Variants in NF1 observed in about 807,000 individuals in gnomAD.
NF1 encodes neurofibromin.
In NF1, 122 loss-of-function variants were observed where a neutral mutation model predicts 325.7. That is an observed-to-expected ratio of 0.37 (90% confidence interval 0.32 to 0.44). The LOEUF (loss-of-function observed/expected upper bound fraction) is 0.44. Ranked by LOEUF, NF1 falls within the 20% of genes least tolerant of loss-of-function variation. NF1 has a pLI of 1.00. For missense variants in NF1, 2,140 were observed against 3,415.4 expected, an observed-to-expected ratio of 0.63 and a Z score of 9.31; for synonymous variants, 1,091 against 1,186.0, an observed-to-expected ratio of 0.92 and a Z score of 1.65.
intron 10 of NF1, 73 bp from the exon 11 acceptor site, chr17:31,201,337 CT>C: frequency 1.4e-6 from 2 of 1,472,122 alleles, no homozygotes; most frequent in South Asian, 1.2e-5. Context: ...ATTTGCTGTT[CT>C]TTTTGGCTTC....
intron 57 of NF1, among the ~76,000 whole-genome samples, chr17:31,372,300 T>C (rs2070657621): frequency 6.6e-6 from 1 of 152,194 alleles, no homozygotes; most frequent in South Asian, 2.1e-4. Flanking sequence ...ACTCCAAAAA[T>C]TGTGGTCATC....
rs1393070691 is a variant in NF1 at position 31,182,571 on chromosome 17, C to G, written c.794C>G (p.Ala265Gly). Residue 265 changes from alanine (A) to glycine (G), a missense_variant, in exon 8 of 58, where the codon GCA becomes GGA. Ala to Gly is a moderately conservative substitution (Grantham distance 60). This residue lies in a region of NF1 where 246 missense variants were observed against 347.8 expected (regional missense o/e 0.71). Coordinates refer to ENST00000358273, the MANE Select transcript of NF1 (RefSeq NM_001042492.3). ...GFAESTKRKA[A>G]VWPLQIILLI... ...GCTGAAAGCACCAAACGTAAAGCAG[C>G]AGTTTGGCCACTACAAATCATTCTC... The G allele has an allele frequency of 6.2e-7, 1 of 1,613,966 alleles. No individual in the cohort carries two copies. The highest frequency in any genetic ancestry group is 8.5e-7 in the Non-Finnish European group (1 of 1,179,896).
chr17:31,139,445 C>T (rs1197415810), intron 1 of NF1, among the ~76,000 whole-genome samples: 2 of 151,404 alleles, frequency 1.3e-5, no homozygotes, highest in African/African-American at 4.9e-5. Flanking sequence ...GTCAGTTGAT[C>T]GTGGTAATCA....
intron 38 of NF1, among the ~76,000 whole-genome samples, chr17:31,329,925 G>A (rs2069438157): frequency 6.6e-6 from 1 of 152,100 alleles, no homozygotes; most frequent in African/African-American, 2.4e-5. Context: ...TTTTGGCTTT[G>A]CTAAAAATGT....
chr17:31,338,739 C>A lies in NF1; in HGVS notation c.6855C>A (p.Tyr2285Ter), dbSNP rs772295894. Residue 2285 changes from tyrosine to a stop codon, truncating the protein, a stop_gained, in exon 46 of 58, where the codon TAC becomes TAA. Coordinates refer to ENST00000358273, the MANE Select transcript of NF1 (RefSeq NM_001042492.3). LOFTEE classifies it high-confidence loss of function. ...GTTGCTTAAAAGGACCTGACACTTA[C>A]AACAGTCAAGTTCTGATAGAAGCTA... is the stretch of plus-strand genomic sequence containing the variant. ...LESCLKGPDTYNSQVLIEATV... is the reference protein window; with the variant it reads ...LESCLKGPDT 2 of 1,613,200 alleles carry A rather than the reference C, an allele frequency of 1.2e-6. No individual in the cohort carries two copies. The highest frequency in any genetic ancestry group is 1.7e-6 in the Non-Finnish European group (2 of 1,179,490).
chr17:31,360,807 A>G, intron 57 of NF1, 104 bp downstream of exon 57: 1 of 966,516 alleles, frequency 1.0e-6, no homozygotes, highest in Non-Finnish European at 1.7e-6. Flanking sequence ...CCTTTTTCTT[A>G]TGAGATTCAC....
intron 1 of NF1, among the ~76,000 whole-genome samples, chr17:31,155,175 A>G (rs954304621): frequency 3.9e-5 from 6 of 152,224 alleles, no homozygotes; most frequent in African/African-American, 1.4e-4. Context: ...TCACAGAGGA[A>G]CATTGCTAGG....
Position 31,356,283 on chromosome 17 carries a change from A to T in NF1, c.7616-177A>T, listed in dbSNP as rs144174198. ...TGAAACAGAAAGCTATGGGAACAAA[A>T]CCCTTTGAGAAGATGGAAAATAAAG... On this transcript the variant is annotated intron_variant, in intron 51 of 57. Transcript: ENST00000358273. 44 of 587,342 alleles carry T rather than the reference A, an allele frequency of 7.5e-5. No individual in the cohort carries two copies. In the African/African-American group the frequency reaches 7.9e-4, roughly 11 times the overall value. The allele number at this position is 587,342 out of a possible 1,614,324, so 36.4% of individuals were successfully genotyped here. A position where few individuals can be genotyped will look rare whatever the true frequency, so the allele number is the denominator to read the frequency against.
intron 8 of NF1, among the ~76,000 whole-genome samples, chr17:31,191,241 C>A (rs2143829654): frequency 6.6e-6 from 1 of 152,104 alleles, no homozygotes; most frequent in Non-Finnish European, 1.5e-5. Context: ...AGGCAAGTTA[C>A]AATCTTGAAG....
chr17:31,340,759 G>T, intron 47 of NF1, 114 bp downstream of exon 47: 1 of 1,052,828 alleles, frequency 9.5e-7, no homozygotes, highest in Non-Finnish European at 1.4e-6. Context: ...GTAGGAATTT[G>T]TATAATGTAA....
chr17:31,183,227 A>G (rs2066170485), intron 8 of NF1: 1 of 195,188 alleles, frequency 5.1e-6, no homozygotes, highest in East Asian at 1.2e-4. Flanking sequence ...TGAAAAAAAA[A>G]AGAACTGAGT....
At chr17:31,338,635 G>A (rs898110951) in intron 45 of NF1, 69 bp from the exon 46 acceptor site, 8 of 973,650 alleles carry the variant, frequency 8.2e-6, no homozygotes, top group South Asian at 5.2e-5. Flanking sequence ...AATTCATTCC[G>A]AGATTCAGTT....
At chr17:31,154,226 T>A (rs1284136160) in intron 1 of NF1, among the ~76,000 whole-genome samples, 1 of 151,986 alleles carries the variant, frequency 6.6e-6, no homozygotes, top group Non-Finnish European at 1.5e-5. Context: ...CGGCTAACTT[T>A]TTGTATTTTT....
intron 51 of NF1, 132 bp downstream of exon 51, chr17:31,352,546 T>C: frequency 1.3e-6 from 1 of 769,320 alleles, no homozygotes; most frequent in Non-Finnish European, 2.0e-6. Context: ...TTTGATGCCA[T>C]TTAAAAGAGA....
Position 31,118,452 on chromosome 17 carries a change from C to G in NF1, c.60+23083C>G, listed in dbSNP as rs1914145528. Among the ~76,000 whole-genome samples the G allele has an allele frequency of 3.3e-5, 5 of 152,144 alleles. No individual in the cohort carries two copies. The South Asian group carries it at 1.0e-3, about 32-fold the overall frequency. On this transcript the variant is annotated intron_variant, in intron 1 of 57. Transcript: ENST00000358273. ...GCTATCCCTCCCCTAAACCCCCACC[C>G]CGCAACAGGCCCAGTGTGTGATGTT...
chr17:31,245,014 C>T (rs1380723040), intron 29 of NF1, among the ~76,000 whole-genome samples: 1 of 152,094 alleles, frequency 6.6e-6, no homozygotes, highest in African/African-American at 2.4e-5. Context: ...GAATATTCAA[C>T]AGGTTACCAT....
chr17:31,233,612 T>C (rs556057094), intron 27 of NF1, among the ~76,000 whole-genome samples: 1 of 152,334 alleles, frequency 6.6e-6, no homozygotes, highest in South Asian at 2.1e-4. Context: ...TTTTTAAAAA[T>C]TTAAGCACTA....
At chr17:31,246,936 A>T (rs1304070916) in intron 29 of NF1, among the ~76,000 whole-genome samples, 1 of 152,050 alleles carries the variant, frequency 6.6e-6, no homozygotes, top group Admixed American at 6.6e-5. Context: ...GTGGCTCATG[A>T]CCGTAATCCC....
At chr17:31,103,389 T>C (rs1912543058) in intron 1 of NF1, among the ~76,000 whole-genome samples, 1 of 151,882 alleles carries the variant, frequency 6.6e-6, no homozygotes, top group South Asian at 2.1e-4. Flanking sequence ...ATTACAGGCG[T>C]GTGCCACCAC....
Sources: allele counts gnomAD v4.1 joint callset (sites outside exome capture counted in the v4.1 genomes callset), GRCh38; gene constraint gnomAD v4.1.1; regional missense constraint gnomAD v4.1.1; transcripts MANE v1.5; gene names NCBI Gene and HGNC (gene_info 2026-07-23, HGNC 2026-07-21).